The following MIDEAS variants were observed in gnomAD, a reference collection of about 807,000 sequenced individuals.
MIDEAS encodes the protein mitotic deacetylase associated SANT domain protein, also known as mitotic deacetylase-associated SANT domain protein.
A neutral mutation model predicts 102.7 loss-of-function variants in MIDEAS; 26 were observed. The observed-to-expected ratio is 0.25, with a 90% CI of 0.19 to 0.35. The LOEUF (loss-of-function observed/expected upper bound fraction) is 0.35. Among genes scored for constraint, MIDEAS ranks in the 10% least tolerant of loss-of-function variants. The pLI is 1.00. For missense variants in MIDEAS, 1,231 were observed against 1,435.6 expected, an observed-to-expected ratio of 0.86 and a Z score of 2.30; for synonymous variants, 585 against 591.0, an observed-to-expected ratio of 0.99 and a Z score of 0.15.
At chr14:73,752,622 G>A (rs1293260722) in intron 1 of MIDEAS, among the ~76,000 whole-genome samples, 1 of 152,036 alleles carries the variant, frequency 6.6e-6, no homozygotes, top group Non-Finnish European at 1.5e-5. Context: ...GGCTGCCTGG[G>A]GCCTCCTAGA....
chr14:73,719,653 A>AC lies in MIDEAS; in HGVS notation c.2938-153dup, dbSNP rs2052956342. 43 of 706,134 alleles carry AC rather than the reference A, an allele frequency of 6.1e-5. No individual in the cohort carries two copies. The South Asian group carries it at 7.6e-4, about 13-fold the overall frequency. The allele number at this position is 706,134 out of a possible 1,614,324, so 43.7% of individuals were successfully genotyped here. ...CTTGGGTCCTTCCAGGGATATGACG[A>AC]CCATTGCCTCCTCCAACTCTGCATC... On this transcript the variant is annotated intron_variant, in intron 11 of 12. Transcript: ENST00000423556.
At chr14:73,760,739 G>A (rs544627060), upstream of MIDEAS, among the ~76,000 whole-genome samples, 47 of 152,240 alleles carry the variant, frequency 3.1e-4, no homozygotes, top group African/African-American at 1.1e-3. The surrounding 1 kb of genome is among the most constrained non-coding windows in gnomAD (Gnocchi z 4.8). Context: ...GTCCTGGTGC[G>A]TGTAAAGGTT....
rs2053067329 is a variant in MIDEAS, at chr14:73,726,824, C to G, written c.2305+6G>C. 4.4e-6 allele frequency: 7 copies of G among 1,607,724 alleles called. No homozygotes were observed. In the South Asian group the frequency reaches 5.5e-5, roughly 13 times the overall value. On this transcript the variant is annotated splice_donor_region_variant and intron_variant, in intron 6 of 12. Coordinates refer to ENST00000423556, the MANE Select transcript of MIDEAS (RefSeq NM_001367710.1). ...CCTCACTTGCTGCCCCCAGGCCCCTCCTCACCTTGCCTCTGCTTCTCCCGG... is the reference window on the plus strand; with the variant it reads ...CCTCACTTGCTGCCCCCAGGCCCCTGCTCACCTTGCCTCTGCTTCTCCCGG...
intron 3 of MIDEAS, among the ~76,000 whole-genome samples, chr14:73,732,524 G>A (rs933909418): frequency 7.9e-5 from 12 of 152,150 alleles, no homozygotes; most frequent in Non-Finnish European, 1.8e-4. Flanking sequence ...GGTGGCTCAC[G>A]CCTGTAATCT....
rs375981389 is a variant in MIDEAS, at chr14:73,730,726, G to C, written c.1750-741C>G. Among the ~76,000 whole-genome samples the C allele has an allele frequency of 3.3e-5, 5 of 151,958 alleles. No individual in the cohort carries two copies. The South Asian group carries it at 6.2e-4, about 19-fold the overall frequency. On this transcript the variant is annotated intron_variant, in intron 3 of 12. Coordinates refer to ENST00000423556, the MANE Select transcript of MIDEAS (RefSeq NM_001367710.1). ...TCAGCACTTTGGGAGGTCGAGGTGG[G>C]GGGGAGGGGATCACTTGAGGTCAGG...
upstream of MIDEAS, among the ~76,000 whole-genome samples, chr14:73,761,456 A>G (rs2053553908): frequency 1.3e-5 from 2 of 152,204 alleles, no homozygotes; most frequent in South Asian, 4.1e-4. Context: ...GCGTACATGT[A>G]CACCTGGAAG....
At chr14:73,729,563 GC>G (rs201822325) in intron 4 of MIDEAS, 76 bp downstream of exon 4, 31,711 of 1,203,866 alleles carry the variant, frequency 0.026, 528 homozygotes, top group Middle Eastern at 0.057. Flanking sequence ...ATCCCCAGCA[GC>G]CCCACAGGCT....
At chr14:73,789,146 C>T (rs1374177751), upstream of MIDEAS, 2 of 152,096 alleles carry the variant, frequency 1.3e-5, no homozygotes, top group Admixed American at 6.5e-5. Context: ...ATCCTCCCTC[C>T]TTAAGTGTAA....
chr14:73,727,049 A>G (rs1385837036), intron 5 of MIDEAS, 77 bp from the exon 6 acceptor site: 2 of 1,515,200 alleles, frequency 1.3e-6, no homozygotes, highest in Non-Finnish European at 1.8e-6. Context: ...CAGGGTGGGA[A>G]GAAGATGAGG....
chr14:73,747,805 G>C (rs1171291014), intron 1 of MIDEAS, among the ~76,000 whole-genome samples: 2 of 152,130 alleles, frequency 1.3e-5, no homozygotes, highest in African/African-American at 4.8e-5. Flanking sequence ...GCCTGGCATA[G>C]TGAAGTTTCC....
chr14:73,767,421 G>C (rs536661936), intron 1 of MIDEAS, among the ~76,000 whole-genome samples: 2 of 152,218 alleles, frequency 1.3e-5, no homozygotes, highest in East Asian at 3.9e-4. Flanking sequence ...GATTGTGCTT[G>C]ATGCCAGGAG....
At chr14:73,726,515 T>C (rs1038326079) in intron 7 of MIDEAS, 89 bp downstream of exon 7, 3 of 1,280,156 alleles carry the variant, frequency 2.3e-6, no homozygotes, top group East Asian at 2.4e-5. Flanking sequence ...CAAATGTGCA[T>C]GCCAGCAGCC....
rs371269954 is a variant in MIDEAS at position 73,768,556 on chromosome 14, C to G, written c.-248+18546G>C. 2.7e-5 allele frequency among the ~76,000 whole-genome samples: 4 copies of G among 145,870 alleles called. No homozygotes were observed. In the East Asian group the frequency reaches 7.9e-4, roughly 29 times the overall value. ...TTTGAGACACAGCCTTACTCTGTTG[C>G]TCACTACAACTTCCACCTCCCAGGT... On this transcript the variant is annotated intron_variant, in intron 1 of 11. Coordinates refer to the MIDEAS transcript ENST00000394071.
rs113531720 is a variant in MIDEAS at position 73,773,596 on chromosome 14, C to A, written c.-248+13506G>T. Among the ~76,000 whole-genome samples, 664 of 152,078 alleles carry A rather than the reference C, an allele frequency of 4.4e-3. 10 individuals carry two copies. Among genetic ancestry groups the A allele is most frequent in the African/African-American group, 0.015 (634 of 41,516 alleles). On this transcript the variant is annotated intron_variant, in intron 1 of 11. Transcript: ENST00000394071. ...GTTCCTAAAGAGGATTCTGGAAATACCATGTGCTTCTAGGTTCTAGAAACA... is the reference window on the plus strand; with the variant it reads ...GTTCCTAAAGAGGATTCTGGAAATAACATGTGCTTCTAGGTTCTAGAAACA...
Position 73,725,375 on chromosome 14 carries a change from G to T in MIDEAS, c.2486-15C>A. 2.5e-6 allele frequency: 4 copies of T among 1,612,506 alleles called. No individual in the cohort carries two copies. Among genetic ancestry groups the T allele is most frequent in the Non-Finnish European group, 3.4e-6 (4 of 1,178,656 alleles). ...CTGGTCAGAGCCTATGGGGCAAAGA[G>T]GCAGCCAGGGAGTGAGGTGGGCAGG... is the stretch of plus-strand genomic sequence containing the variant. On this transcript the variant is annotated splice_polypyrimidine_tract_variant and intron_variant, in intron 8 of 12. Coordinates refer to ENST00000423556, the MANE Select transcript of MIDEAS (RefSeq NM_001367710.1). The surrounding 1 kb of genome is among the most constrained non-coding windows in gnomAD (Gnocchi z 4.1).
intron 1 of MIDEAS, among the ~76,000 whole-genome samples, chr14:73,756,783 A>G (rs143921420): frequency 1.1e-3 from 167 of 152,244 alleles, no homozygotes; most frequent in South Asian, 3.7e-3. Context: ...TGACCGACAC[A>G]TGCACTCCAC....
At chr14:73,728,391 C>A in intron 4 of MIDEAS, 1 of 152,600 alleles carries the variant, frequency 6.6e-6, no homozygotes. Flanking sequence ...GTGCCTGGAC[C>A]TGCATCCTAG....
intron 1 of MIDEAS, among the ~76,000 whole-genome samples, chr14:73,756,290 G>GTGTGTGTA (rs1171379889): frequency 2.4e-5 from 2 of 82,006 alleles, no homozygotes; most frequent in African/African-American, 8.1e-5. Flanking sequence ...GTGTGTGTGT[G>GTGTGTGTA]TGTGTGCGCG....
chr14:73,768,826 T>C (rs754377928), intron 1 of MIDEAS, among the ~76,000 whole-genome samples: 1 of 151,984 alleles, frequency 6.6e-6, no homozygotes, highest in Non-Finnish European at 1.5e-5. Context: ...AAACTAAAAA[T>C]CAGAACTTCT....
Sources: gnomAD v4.1 joint callset for allele counts (sites outside exome capture counted in the v4.1 genomes callset) on GRCh38, gnomAD v4.1.1 for gene constraint, Gnocchi (gnomAD v3.1) non-coding constraint, MANE v1.5 for transcripts, NCBI Gene and HGNC (gene_info 2026-07-23, HGNC 2026-07-21) for gene names.